The following DOCK9 variants were observed in gnomAD, a reference collection of about 807,000 sequenced individuals.
DOCK9 encodes the protein dedicator of cytokinesis 9.
A neutral mutation model predicts 263.3 loss-of-function variants in DOCK9; 89 were observed. That is an observed-to-expected ratio of 0.34 (90% CI 0.28 to 0.40). DOCK9 has a LOEUF of 0.40. Ranked by LOEUF, DOCK9 falls within the 10% of genes least tolerant of loss-of-function variation. DOCK9 has a pLI of 1.00. For missense variants in DOCK9, 2,140 were observed against 2,603.4 expected (o/e 0.82, Z 3.87); for synonymous variants, 976 against 973.1 (o/e 1.00, Z -0.06).
intron 1 of DOCK9, among the ~76,000 whole-genome samples, chr13:99,042,312 A>C (rs184724817): frequency 6.6e-6 from 1 of 152,312 alleles, no homozygotes; most frequent in African/African-American, 2.4e-5. Context: ...GGTTCCTATG[A>C]ATCTGGTCTT....
At chr13:98,923,446 A>G in intron 4 of DOCK9, 75 bp from the exon 5 acceptor site, 2 of 1,231,380 alleles carry the variant, frequency 1.6e-6, no homozygotes, top group East Asian at 2.3e-5. Context: ...TTCCTCCATC[A>G]TAGGGCCCGG....
Position 98,829,818 on chromosome 13 carries a change from T to G in DOCK9, c.4636-62A>C. ...TTCAAATGACTGCCCAGGCTGGGCT[T>G]CTGCGTTCAGTTAGGATGTGCCTAA... is the stretch of plus-strand genomic sequence containing the variant. On this transcript the variant is annotated intron_variant, in intron 41 of 52. Transcript: ENST00000682017. This position sits in a 1 kb window ranked among gnomAD's most constrained non-coding sequence, Gnocchi z 4.1. 6.9e-7 allele frequency: 1 copy of G among 1,444,476 alleles called. No homozygotes were observed. Among genetic ancestry groups the G allele is most frequent in the Non-Finnish European group, 9.5e-7 (1 of 1,050,220 alleles). 89.5% of individuals were successfully genotyped at this position (1,444,476 alleles called of 1,614,324 possible).
intron 1 of DOCK9, among the ~76,000 whole-genome samples, chr13:99,029,324 AGTT>A: frequency 6.6e-6 from 1 of 152,208 alleles, no homozygotes; most frequent in African/African-American, 2.4e-5. Flanking sequence ...CCAGCCCTAC[AGTT>A]GATGGCTGCT....
chr13:98,909,550 T>C (rs1468910206), intron 9 of DOCK9, among the ~76,000 whole-genome samples: 1 of 152,210 alleles, frequency 6.6e-6, no homozygotes, highest in Non-Finnish European at 1.5e-5. Context: ...GGCCAAAATA[T>C]ATAATCTTTA....
At position 98,881,023 on chromosome 13, in the gene DOCK9, G is replaced by A. The variant is rs139093054; in HGVS notation, c.2746-351C>T. On this transcript the variant is annotated intron_variant, in intron 25 of 52. Coordinates refer to ENST00000682017, the MANE Select transcript of DOCK9 (RefSeq NM_001366683.2). ...TATCACATAGTTGTAATTTACAAAG[G>A]TATTTAATAGTAAACAGAATATGTG... 1.9e-3 allele frequency among the ~76,000 whole-genome samples: 286 copies of A among 152,224 alleles called. 3 individuals are homozygous for A. Among genetic ancestry groups the A allele is most frequent in the African/African-American group, 6.5e-3 (270 of 41,516 alleles).
intron 1 of DOCK9, among the ~76,000 whole-genome samples, chr13:99,055,589 G>A (rs2040882167): frequency 6.6e-6 from 1 of 152,142 alleles, no homozygotes; most frequent in Non-Finnish European, 1.5e-5. Flanking sequence ...AGAGGCATAT[G>A]GAATGTGGAT....
chr13:99,082,825 C>A (rs1476072695), intron 1 of DOCK9, among the ~76,000 whole-genome samples: 1 of 152,142 alleles, frequency 6.6e-6, no homozygotes, highest in Non-Finnish European at 1.5e-5. Context: ...AACTGAGCCC[C>A]AACAAGGTTA....
Position 99,062,966 on chromosome 13 carries a change from T to TCC in DOCK9, c.129+23255_129+23256dup, listed in dbSNP as rs1861125373. Among the ~76,000 whole-genome samples the TCC allele has an allele frequency of 2.0e-5, 3 of 152,306 alleles. No homozygotes were observed. The South Asian group carries it at 6.2e-4, about 32-fold the overall frequency. ...TGCGGGTGTTACCATTTGCTGGGCA[T>TCC]CCATCATGACACCATCTTTTGAAGA... On this transcript the variant is annotated intron_variant, in intron 1 of 32. Coordinates refer to the DOCK9 transcript ENST00000427887.
chr13:98,797,259 A>G lies in DOCK9; in HGVS notation c.6018-6T>C, dbSNP rs1483994605. On this transcript the variant is annotated splice_region_variant and splice_polypyrimidine_tract_variant and intron_variant, in intron 51 of 52. Coordinates refer to ENST00000682017, the MANE Select transcript of DOCK9 (RefSeq NM_001366683.2). The stretch of plus-strand genomic sequence containing the variant: ...CGCAAGCTTCCACAAATTGCCTGGA[A>G]TGGTACAGGCGGGAGAAACAAAGGC... The G allele has an allele frequency of 2.5e-6, 4 of 1,613,860 alleles. No homozygotes were observed. The highest frequency in any genetic ancestry group is 3.4e-6 in the Non-Finnish European group (4 of 1,179,866).
chr13:98,992,413 T>C (rs554772401), intron 1 of DOCK9, among the ~76,000 whole-genome samples: 1 of 152,104 alleles, frequency 6.6e-6, no homozygotes, highest in East Asian at 1.9e-4. Flanking sequence ...CCTCCCAGCT[T>C]CCCTTCAGTT....
At chr13:99,005,728 G>T (rs531015338) in intron 1 of DOCK9, among the ~76,000 whole-genome samples, 24 of 152,170 alleles carry the variant, frequency 1.6e-4, no homozygotes, top group African/African-American at 5.8e-4. Context: ...AATATTTTAG[G>T]TCAGCTGATA....
chr13:98,893,375 C>T (rs890703173), intron 15 of DOCK9, among the ~76,000 whole-genome samples: 9 of 152,176 alleles, frequency 5.9e-5, no homozygotes, highest in Non-Finnish European at 1.0e-4. Context: ...TTCATGTCTT[C>T]GCATTTCCTG....
chr13:98,926,028 T>C (rs939668388), intron 3 of DOCK9, 109 bp from the exon 4 acceptor site: 15 of 780,592 alleles, frequency 1.9e-5, no homozygotes, highest in Admixed American at 9.5e-5. Flanking sequence ...ATCAAAAAAA[T>C]TTTTTCCCAT....
chr13:98,887,094 G>A (rs2045818373), intron 18 of DOCK9, among the ~76,000 whole-genome samples: 1 of 137,612 alleles, frequency 7.3e-6, no homozygotes, highest in Non-Finnish European at 1.5e-5. Context: ...TTTCCCACTT[G>A]ACTGAATTTC....
At chr13:99,011,199 ACCTTTT>A (rs771028039) in intron 1 of DOCK9, among the ~76,000 whole-genome samples, 8 of 152,230 alleles carry the variant, frequency 5.3e-5, no homozygotes, top group Non-Finnish European at 8.8e-5. Context: ...GCCTGGCCTT[ACCTTTT>A]AATTTATATT....
At position 98,940,832 on chromosome 13, in the gene DOCK9, G is replaced by A. The variant is rs532223474; in HGVS notation, c.244-10575C>T. ...CACAGTGCAGCACCCTAACTGGTAG[G>A]CCCACCTTCCCTCCATCATCCCTCT... On this transcript the variant is annotated intron_variant, in intron 2 of 52. Coordinates refer to ENST00000682017, the MANE Select transcript of DOCK9 (RefSeq NM_001366683.2). 2.8e-4 allele frequency among the ~76,000 whole-genome samples: 43 copies of A among 152,102 alleles called. No individual in the cohort carries two copies. The South Asian group carries it at 8.3e-3, about 29-fold the overall frequency.
chr13:98,826,129 C>T (rs1476514415), intron 44 of DOCK9, among the ~76,000 whole-genome samples: 1 of 152,218 alleles, frequency 6.6e-6, no homozygotes, highest in African/African-American at 2.4e-5. Context: ...TTTCTCACTT[C>T]GTACATCTAT....
At chr13:98,942,018 G>C (rs1392510940) in intron 2 of DOCK9, among the ~76,000 whole-genome samples, 1 of 152,150 alleles carries the variant, frequency 6.6e-6, no homozygotes. Flanking sequence ...ACTTATGAAA[G>C]GATCAGAGTA....
At position 98,794,459 on chromosome 13, in the gene DOCK9, C is replaced by T; in HGVS notation, c.*167G>A. On this transcript the variant is annotated 3_prime_UTR_variant, in exon 53 of 53. Coordinates refer to ENST00000682017, the MANE Select transcript of DOCK9 (RefSeq NM_001366683.2). ...TTAAAAAAATATGTGCACCTTCTTA[C>T]AACTCCTATAGAAAGTCTGTTAAGA... The T allele has an allele frequency of 1.4e-6, 1 of 720,982 alleles. No homozygotes were observed. Among genetic ancestry groups the T allele is most frequent in the Admixed American group, 3.3e-5 (1 of 30,690 alleles). 44.7% of individuals were successfully genotyped at this position (720,982 alleles called of 1,614,324 possible).
Sources: allele counts gnomAD v4.1 joint callset (sites outside exome capture counted in the v4.1 genomes callset), GRCh38; gene constraint gnomAD v4.1.1; non-coding constraint Gnocchi (gnomAD v3.1); transcripts MANE v1.5; gene names NCBI Gene and HGNC (gene_info 2026-07-23, HGNC 2026-07-21).